Variants in HECW2 observed in about 807,000 individuals in gnomAD.
HECW2 encodes HECT, C2 and WW domain containing E3 ubiquitin protein ligase 2, also known as E3 ubiquitin-protein ligase HECW2.
In HECW2, 61 loss-of-function variants were observed where a neutral mutation model predicts 175.2. The observed-to-expected ratio is 0.35, with a 90% CI of 0.28 to 0.43. HECW2 has a LOEUF of 0.43. HECW2 is among the 20% of genes least tolerant of loss of function. HECW2 has a pLI of 1.00. For missense variants in HECW2, 1,524 were observed against 2,000.5 expected (o/e 0.76, Z 4.54); for synonymous variants, 671 against 731.0 (o/e 0.92, Z 1.32).
In HECW2 at chr2:196,369,215, A is replaced by G. The variant is rs577213424; in HGVS notation, c.293-25451T>C. 6.6e-5 allele frequency among the ~76,000 whole-genome samples: 10 copies of G among 152,304 alleles called. No homozygotes were observed. The South Asian group carries it at 2.1e-3, about 32-fold the overall frequency. ...CATTAGGGGGCATCCCAAGCCTAGT[A>G]ACAGCGTGAGTCTTGCAGACTCCTA... On this transcript the variant is annotated intron_variant, in intron 2 of 28. Coordinates refer to ENST00000644978, the MANE Select transcript of HECW2 (RefSeq NM_001348768.2).
At chr2:196,239,132 G>T (rs1366140119) in intron 21 of HECW2, 4 of 152,242 alleles carry the variant, frequency 2.6e-5, no homozygotes, top group African/African-American at 9.6e-5. Flanking sequence ...CAAGTGAGAA[G>T]TCCACTTATG....
chr2:196,560,536 C>T (rs1689961917), intron 1 of HECW2, among the ~76,000 whole-genome samples: 1 of 152,158 alleles, frequency 6.6e-6, no homozygotes, highest in Admixed American at 6.6e-5. Context: ...ATCTTAATTG[C>T]ATGTTCATTT....
At chr2:196,505,320 C>T (rs1009938878) in intron 1 of HECW2, among the ~76,000 whole-genome samples, 1 of 152,078 alleles carries the variant, frequency 6.6e-6, no homozygotes, top group African/African-American at 2.4e-5. Context: ...GGGTGGATCA[C>T]CTGAGGTCAA....
chr2:196,211,538 G>A (rs1687285427), intron 28 of HECW2, among the ~76,000 whole-genome samples: 1 of 152,092 alleles, frequency 6.6e-6, no homozygotes, highest in Non-Finnish European at 1.5e-5. Context: ...AAAGAGCCAT[G>A]GATTCAACTT....
intron 16 of HECW2, among the ~76,000 whole-genome samples, chr2:196,273,079 T>G (rs1026068410): frequency 1.4e-5 from 1 of 72,712 alleles, no homozygotes; most frequent in Non-Finnish European, 3.2e-5. Flanking sequence ...TTTTTTTTTT[T>G]TTTTTTTGAG....
chr2:196,264,776 A>AT (rs1689444595), intron 17 of HECW2, among the ~76,000 whole-genome samples: 2 of 152,264 alleles, frequency 1.3e-5, no homozygotes, highest in Non-Finnish European at 2.9e-5. Flanking sequence ...ATTCAAAAGC[A>AT]TATGCAGATC....
intron 2 of HECW2, among the ~76,000 whole-genome samples, chr2:196,413,846 C>G (rs976565009): frequency 6.6e-6 from 1 of 152,230 alleles, no homozygotes; most frequent in African/African-American, 2.4e-5. Flanking sequence ...CCCACCCACA[C>G]CAGCCTGCAC....
chr2:196,455,624 T>C (rs1696486240), intron 1 of HECW2, among the ~76,000 whole-genome samples: 1 of 152,194 alleles, frequency 6.6e-6, no homozygotes, highest in South Asian at 2.1e-4. Context: ...AAACTCTGGA[T>C]TGCTTCTAAA....
intron 1 of HECW2, among the ~76,000 whole-genome samples, chr2:196,546,366 C>T (rs770028136): frequency 1.2e-4 from 19 of 152,210 alleles, no homozygotes; most frequent in Non-Finnish European, 2.6e-4. Context: ...TAGTCTAGCA[C>T]AGTGTCTAGC....
chr2:196,291,180 A>G (rs951083184), intron 14 of HECW2: 4 of 152,004 alleles, frequency 2.6e-5, no homozygotes, highest in African/African-American at 7.3e-5. Flanking sequence ...GCATTTACTG[A>G]GTACTTTACG....
chr2:196,201,455 T>C, intron 28 of HECW2, 67 bp from the exon 29 acceptor site: 1 of 983,628 alleles, frequency 1.0e-6, no homozygotes, highest in Non-Finnish European at 1.6e-6. Context: ...GTGTGGTGTG[T>C]GTGTGTGTGT....
intron 19 of HECW2, among the ~76,000 whole-genome samples, chr2:196,251,493 C>T (rs984419365): frequency 6.6e-6 from 1 of 152,162 alleles, no homozygotes; most frequent in Non-Finnish European, 1.5e-5. Context: ...TGGGAATCTC[C>T]CATTGATGGC....
At chr2:196,268,062 T>C (rs1381223575) in intron 17 of HECW2, among the ~76,000 whole-genome samples, 2 of 152,212 alleles carry the variant, frequency 1.3e-5, no homozygotes, top group Non-Finnish European at 2.9e-5. Context: ...GTTCAGCCTA[T>C]TTCCCACCCC....
intron 17 of HECW2, among the ~76,000 whole-genome samples, chr2:196,269,895 C>T (rs1001527751): frequency 1.3e-5 from 2 of 152,138 alleles, no homozygotes; most frequent in Admixed American, 1.3e-4. Flanking sequence ...TTAGGCTCTA[C>T]CCCAGACCTC....
intron 27 of HECW2, 29 bp from the exon 28 acceptor site, chr2:196,216,006 G>A (rs1687463149): frequency 6.6e-7 from 1 of 1,518,924 alleles, no homozygotes; most frequent in East Asian, 2.3e-5. Context: ...AGAAGGAGAA[G>A]GTGAAGCCAG....
intron 2 of HECW2, among the ~76,000 whole-genome samples, chr2:196,357,776 T>G (rs1693429913): frequency 6.6e-6 from 1 of 152,112 alleles, no homozygotes. Flanking sequence ...GTAAGGCAGT[T>G]TTCCCTGCTT....
intron 2 of HECW2, among the ~76,000 whole-genome samples, chr2:196,412,035 G>A (rs920653822): frequency 6.6e-6 from 1 of 151,998 alleles, no homozygotes; most frequent in Admixed American, 6.6e-5. Context: ...ATAAATAAAT[G>A]AATAAAAATT....
intron 9 of HECW2, 40 bp downstream of exon 9, chr2:196,318,512 T>C (rs373453020): frequency 2.8e-6 from 4 of 1,448,648 alleles, no homozygotes; most frequent in African/African-American, 1.4e-5. Flanking sequence ...TCTGCACAGC[T>C]ACGCTCGAGC....
rs558379709 is a variant in HECW2, at chr2:196,588,735, T to C, written c.-36+4773A>G. ...TTTCTCATCATATGGATATAATACA[T>C]ATACAAGCTTATCACTTGAGTCATA... On this transcript the variant is annotated intron_variant, in intron 1 of 28. Coordinates refer to ENST00000644978, the MANE Select transcript of HECW2 (RefSeq NM_001348768.2). 5.3e-5 allele frequency among the ~76,000 whole-genome samples: 8 copies of C among 152,308 alleles called. No individual in the cohort carries two copies. The East Asian group carries it at 9.6e-4, about 18-fold the overall frequency.
Sources: gnomAD v4.1 joint callset for allele counts (sites outside exome capture counted in the v4.1 genomes callset) on GRCh38, gnomAD v4.1.1 for gene constraint, MANE v1.5 for transcripts, NCBI Gene and HGNC (gene_info 2026-07-23, HGNC 2026-07-21) for gene names.